CNTN4: variants seen among roughly 807,000 people sequenced by gnomAD.
CNTN4 encodes contactin 4.
Under a neutral mutation model 122.5 loss-of-function variants are expected in CNTN4, and 77 were observed. The observed-to-expected ratio is 0.63, with a 90% CI of 0.52 to 0.76. The LOEUF is 0.76. Ranked by LOEUF, CNTN4 falls within the 30% of genes least tolerant of loss-of-function variation. The pLI is 0.00. For synonymous variants in CNTN4, 512 were observed against 447.0 expected (o/e 1.15, Z -1.83); for missense variants, 1,256 against 1,259.1 (o/e 1.00, Z 0.04).
intron 4 of CNTN4, among the ~76,000 whole-genome samples, chr3:2,578,003 G>A (rs896543579): frequency 2.0e-5 from 3 of 152,150 alleles, no homozygotes; most frequent in Admixed American, 1.3e-4. Flanking sequence ...ATCTGCATCT[G>A]GGGGCATGTA....
chr3:2,481,708 C>A (rs545513007), intron 3 of CNTN4, among the ~76,000 whole-genome samples: 2 of 151,854 alleles, frequency 1.3e-5, no homozygotes, highest in Non-Finnish European at 2.9e-5. Flanking sequence ...TGGGGGGGAC[C>A]TTGTGGGAGG....
chr3:2,777,807 C>T (rs1297296548), intron 6 of CNTN4, among the ~76,000 whole-genome samples: 1 of 152,204 alleles, frequency 6.6e-6, no homozygotes, highest in Non-Finnish European at 1.5e-5. Flanking sequence ...GTATCCTTTT[C>T]TCTGTGAAAG....
intron 2 of CNTN4, among the ~76,000 whole-genome samples, chr3:2,262,720 T>A (rs989130223): frequency 1.3e-5 from 2 of 152,094 alleles, no homozygotes; most frequent in African/African-American, 2.4e-5. Context: ...AACACTTTTT[T>A]AAATACTATA....
At chr3:2,244,697 T>C (rs2040075051) in intron 2 of CNTN4, among the ~76,000 whole-genome samples, 1 of 152,014 alleles carries the variant, frequency 6.6e-6, no homozygotes. Context: ...GAAAGGAAAT[T>C]ATGATTATCC....
chr3:2,461,120 T>G (rs895236363), intron 3 of CNTN4, among the ~76,000 whole-genome samples: 3 of 152,132 alleles, frequency 2.0e-5, no homozygotes, highest in Non-Finnish European at 4.4e-5. Flanking sequence ...AGGCCCATAT[T>G]TATTATACAT....
At chr3:2,422,660 G>A (rs976980635) in intron 3 of CNTN4, among the ~76,000 whole-genome samples, 13 of 152,174 alleles carry the variant, frequency 8.5e-5, no homozygotes, top group Non-Finnish European at 1.2e-4. Flanking sequence ...TTGATTTCCT[G>A]AATCTCTGTA....
intron 6 of CNTN4, among the ~76,000 whole-genome samples, chr3:2,785,767 C>T (rs1307194972): frequency 6.6e-6 from 1 of 152,038 alleles, no homozygotes; most frequent in Non-Finnish European, 1.5e-5. Context: ...CAGGGATATA[C>T]TGGGTAGAAG....
At chr3:2,680,925 A>G (rs1405213563) in intron 4 of CNTN4, among the ~76,000 whole-genome samples, 1 of 152,210 alleles carries the variant, frequency 6.6e-6, no homozygotes, top group Non-Finnish European at 1.5e-5. Context: ...GATGTTCTAC[A>G]GTTGTAAATA....
chr3:2,150,469 T>C (rs532782884), intron 2 of CNTN4, among the ~76,000 whole-genome samples: 97 of 152,312 alleles, frequency 6.4e-4, no homozygotes, highest in African/African-American at 2.0e-3. Flanking sequence ...GTAGGACATA[T>C]GTTTTTCTAT....
chr3:3,003,781 GT>G (rs1696318880), intron 14 of CNTN4, among the ~76,000 whole-genome samples: 1 of 143,404 alleles, frequency 7.0e-6, no homozygotes, highest in East Asian at 2.2e-4. Context: ...ACAGAGTCTT[GT>G]TCTGTCACCC....
At chr3:2,608,027 G>C (rs560208506) in intron 4 of CNTN4, among the ~76,000 whole-genome samples, 3 of 152,172 alleles carry the variant, frequency 2.0e-5, no homozygotes, top group Non-Finnish European at 2.9e-5. Flanking sequence ...ATCTTTAGGC[G>C]TGATGCTTAA....
At chr3:2,615,643 C>G (rs1384433412) in intron 4 of CNTN4, among the ~76,000 whole-genome samples, 1 of 151,990 alleles carries the variant, frequency 6.6e-6, no homozygotes, top group Non-Finnish European at 1.5e-5. Context: ...CTAAAGTATA[C>G]TTGTTTCAAG....
At chr3:2,505,960 T>C (rs2076719514) in intron 3 of CNTN4, among the ~76,000 whole-genome samples, 1 of 152,062 alleles carries the variant, frequency 6.6e-6, no homozygotes, top group Non-Finnish European at 1.5e-5. Flanking sequence ...ATTCCTCTTT[T>C]CACTCCATAA....
rs760860047 is a variant in CNTN4 at position 2,584,917 on chromosome 3, GTAGA to G, written c.55+13384_55+13387del. Among the ~76,000 whole-genome samples the G allele has an allele frequency of 8.1e-3, 1,224 of 151,234 alleles. 8 individuals carry two copies. Among genetic ancestry groups the G allele is most frequent in the African/African-American group, 0.022 (898 of 41,076 alleles). The stretch of plus-strand genomic sequence containing the variant: ...AGTAGGAAGGTAGGTAGGTAGGTAG[GTAGA>G]TAGATAGATAGATAGATAGATAGAC... On this transcript the variant is annotated intron_variant, in intron 4 of 24. Coordinates refer to ENST00000418658, the MANE Select transcript of CNTN4 (RefSeq NM_175607.3).
chr3:2,370,103 T>C (rs137977961), intron 3 of CNTN4, among the ~76,000 whole-genome samples: 148 of 152,238 alleles, frequency 9.7e-4, no homozygotes, highest in Middle Eastern at 3.4e-3. Flanking sequence ...GGAAAAAATA[T>C]TATTTTGCTT....
At chr3:2,779,932 G>A (rs7652782) in intron 6 of CNTN4, among the ~76,000 whole-genome samples, 22,257 of 152,152 alleles carry the variant, frequency 0.15, 1,813 homozygotes, top group African/African-American at 0.21. Context: ...TCATACCAAC[G>A]TCAGATAGTG....
At chr3:3,029,132 T>G (rs533729329) in intron 15 of CNTN4, among the ~76,000 whole-genome samples, 21 of 152,320 alleles carry the variant, frequency 1.4e-4, no homozygotes, top group African/African-American at 4.8e-4. Context: ...ATTATAAGAC[T>G]TGATCCGTAA....
intron 13 of CNTN4, among the ~76,000 whole-genome samples, chr3:2,976,202 C>A (rs1051337139): frequency 3.3e-5 from 5 of 152,160 alleles, no homozygotes; most frequent in Admixed American, 3.3e-4. Context: ...AAAATTAACT[C>A]TGTGATCTTT....
chr3:2,964,778 A>G (rs1692131677), intron 13 of CNTN4, among the ~76,000 whole-genome samples: 1 of 152,210 alleles, frequency 6.6e-6, no homozygotes, highest in African/African-American at 2.4e-5. Flanking sequence ...TCAGGTATAG[A>G]TGAGGAAACT....
Sources: allele counts gnomAD v4.1 joint callset (sites outside exome capture counted in the v4.1 genomes callset), GRCh38; gene constraint gnomAD v4.1.1; transcripts MANE v1.5; gene names NCBI Gene and HGNC (gene_info 2026-07-23, HGNC 2026-07-21).